GRAMD2B: variants seen among roughly 807,000 people sequenced by gnomAD.
The protein encoded by GRAMD2B is GRAM domain containing 2B.
Under a neutral mutation model 59.2 loss-of-function variants are expected in GRAMD2B, and 41 were observed. That is an observed-to-expected ratio of 0.69 (90% CI 0.54 to 0.90). The LOEUF (loss-of-function observed/expected upper bound fraction) is 0.90, where lower values mean the gene tolerates loss of function less well. Ranked by LOEUF, GRAMD2B falls within the 40% of genes least tolerant of loss-of-function variation. The probability of loss-of-function intolerance (pLI) is 0.00; values close to 1 mark genes in which losing one functional copy is unlikely to be tolerated. For missense variants in GRAMD2B, 424 were observed against 500.5 expected (o/e 0.85, Z 1.46); for synonymous variants, 161 against 182.7 (o/e 0.88, Z 0.96).
chr5:126,374,407 A>G (rs1197548643), intron 1 of GRAMD2B, among the ~76,000 whole-genome samples: 1 of 152,184 alleles, frequency 6.6e-6, no homozygotes, highest in Non-Finnish European at 1.5e-5. Flanking sequence ...TTTGGAGGAA[A>G]GAGGTCACTA....
At chr5:126,385,749 G>A (rs974264336) in intron 1 of GRAMD2B, among the ~76,000 whole-genome samples, 1 of 152,206 alleles carries the variant, frequency 6.6e-6, no homozygotes. Flanking sequence ...AGGATTCTGA[G>A]TGTCTTGAAT....
At chr5:126,402,253 T>C (rs1410542993) in intron 1 of GRAMD2B, among the ~76,000 whole-genome samples, 1 of 152,018 alleles carries the variant, frequency 6.6e-6, no homozygotes, top group African/African-American at 2.4e-5. Flanking sequence ...CCACCCTAAG[T>C]GGAAAAAGGA....
At chr5:126,362,084 C>T (rs767202364) in intron 1 of GRAMD2B, among the ~76,000 whole-genome samples, 1 of 152,150 alleles carries the variant, frequency 6.6e-6, no homozygotes, top group Non-Finnish European at 1.5e-5. Context: ...TTTTTTATTA[C>T]TAGTGGAGAA....
chr5:126,438,954 G>A (rs2149823226), intron 1 of GRAMD2B, among the ~76,000 whole-genome samples: 1 of 152,314 alleles, frequency 6.6e-6, no homozygotes, highest in South Asian at 2.1e-4. Context: ...GGAAGGATAG[G>A]AGATTACAGG....
Position 126,473,317 on chromosome 5 carries a change from A to C in GRAMD2B, c.435A>C (p.Val145=). ...TACTATACCAAGGAAAGCTCTTTGT[A>C]TCAGAAAACTGGATTTGTTTTCATT... ...KEILYQGKLF[V]SENWICFHSK... is the part of the protein sequence containing the mutation. The change falls in exon 5 of 14, where the codon GTA becomes GTC. Residue 145 remains valine, a synonymous_variant. Coordinates refer to ENST00000285689, the MANE Select transcript of GRAMD2B (RefSeq NM_023927.4). 6.5e-7 allele frequency: 1 copy of C among 1,547,512 alleles called. No homozygotes were observed. Among genetic ancestry groups the C allele is most frequent in the South Asian group, 1.3e-5 (1 of 79,956 alleles).
chr5:126,396,353 GGT>G (rs1757361999), intron 1 of GRAMD2B, among the ~76,000 whole-genome samples: 2 of 151,836 alleles, frequency 1.3e-5, no homozygotes, highest in Non-Finnish European at 1.5e-5. Context: ...AATAAGCCCC[GGT>G]GTGTGTGTTT....
rs967169690 is a variant in GRAMD2B at position 126,492,986 on chromosome 5, C to T, written c.*30C>T. 1.3e-6 allele frequency: 2 copies of T among 1,589,930 alleles called. No homozygotes were observed. Among genetic ancestry groups the T allele is most frequent in the Admixed American group, 1.7e-5 (1 of 59,780 alleles). ...CCAGATTGCTTGGGCCATCGGAATACCTCATGTTTCCCTTTGAAGAAGGTG... is the reference window on the plus strand; with the variant it reads ...CCAGATTGCTTGGGCCATCGGAATATCTCATGTTTCCCTTTGAAGAAGGTG... On this transcript the variant is annotated 3_prime_UTR_variant, in exon 14 of 14. Coordinates refer to ENST00000285689, the MANE Select transcript of GRAMD2B (RefSeq NM_023927.4).
At chr5:126,472,161 T>C in intron 3 of GRAMD2B, 77 bp from the exon 4 acceptor site, 1 of 1,136,308 alleles carries the variant, frequency 8.8e-7, no homozygotes, top group Non-Finnish European at 1.3e-6. Context: ...GGAGGGAAAA[T>C]TTGTTGTTGA....
chr5:126,464,817 A>C (rs141841299), intron 1 of GRAMD2B, among the ~76,000 whole-genome samples: 1 of 152,162 alleles, frequency 6.6e-6, no homozygotes. Context: ...AGACAGACAT[A>C]CTAAGTTTGA....
chr5:126,419,282 A>C (rs1386701730), upstream of GRAMD2B, among the ~76,000 whole-genome samples: 1 of 152,120 alleles, frequency 6.6e-6, no homozygotes, highest in African/African-American at 2.4e-5. Flanking sequence ...AAGGGGAAGC[A>C]AGCACCATCT....
intron 6 of GRAMD2B, among the ~76,000 whole-genome samples, chr5:126,479,078 G>T (rs1178782283): frequency 6.6e-6 from 1 of 152,168 alleles, no homozygotes; most frequent in Non-Finnish European, 1.5e-5. Context: ...TTTCAGCTTG[G>T]CAAGAAAGAG....
rs185681408 is a variant in GRAMD2B, at chr5:126,415,938, A to G, written c.125+44371A>G. Reference sequence around the variant, plus strand: ...CCATGATTCAATATTAACTACTTCAAAATGATCTGTCAGTTGCAATGCATG... The same window carrying G: ...CCATGATTCAATATTAACTACTTCAGAATGATCTGTCAGTTGCAATGCATG... On this transcript the variant is annotated intron_variant, in intron 1 of 8. Coordinates refer to the GRAMD2B transcript ENST00000506445. Among the ~76,000 whole-genome samples, 40 of 152,368 alleles carry G rather than the reference A, an allele frequency of 2.6e-4. 1 individual carries two copies. The highest frequency in any genetic ancestry group is 4.6e-4 in the Non-Finnish European group (31 of 68,036).
At chr5:126,453,497 T>C (rs948433691) in intron 1 of GRAMD2B, among the ~76,000 whole-genome samples, 2 of 152,226 alleles carry the variant, frequency 1.3e-5, no homozygotes, top group Non-Finnish European at 2.9e-5. Flanking sequence ...ATAGCATTCA[T>C]GCACTGAGGC....
chr5:126,480,412 C>A, intron 6 of GRAMD2B, 44 bp from the exon 7 acceptor site: 1 of 1,420,180 alleles, frequency 7.0e-7, no homozygotes, highest in Non-Finnish European at 9.9e-7. Context: ...TCTCACTTCT[C>A]ATCCGGCAAT....
chr5:126,375,660 G>A (rs1755123756), intron 1 of GRAMD2B, among the ~76,000 whole-genome samples: 1 of 152,058 alleles, frequency 6.6e-6, no homozygotes, highest in Non-Finnish European at 1.5e-5. Context: ...ATGAGCCACC[G>A]CGCCCGGCCA....
chr5:126,494,050 A>G lies in GRAMD2B; in HGVS notation c.*1094A>G, dbSNP rs906689302. 2.6e-5 allele frequency: 4 copies of G among 152,680 alleles called. No individual in the cohort carries two copies. The highest frequency in any genetic ancestry group is 9.6e-5 in the African/African-American group (4 of 41,464). 9.5% of individuals were successfully genotyped at this position (152,680 alleles called of 1,614,324 possible). The stretch of plus-strand genomic sequence containing the variant: ...TGAAATGTATTTTATTTAATCAGAT[A>G]AGCTAATAAGCGAATTGGTTACATC... On this transcript the variant is annotated 3_prime_UTR_variant, in exon 14 of 14. Coordinates refer to ENST00000285689, the MANE Select transcript of GRAMD2B (RefSeq NM_023927.4).
At chr5:126,367,432 T>TGGA (rs70994862), upstream of GRAMD2B, among the ~76,000 whole-genome samples, 34,536 of 140,026 alleles carry the variant, frequency 0.25, 4,655 homozygotes, top group Admixed American at 0.32. Flanking sequence ...CTGTAAAAAC[T>TGGA]GGAGGAGGAG....
intron 1 of GRAMD2B, among the ~76,000 whole-genome samples, chr5:126,414,483 A>G (rs1759090860): frequency 6.6e-6 from 1 of 152,138 alleles, no homozygotes; most frequent in Non-Finnish European, 1.5e-5. Flanking sequence ...TTGTTGAGGC[A>G]GGGTCTCACT....
chr5:126,377,424 C>G (rs573416078), intron 1 of GRAMD2B, among the ~76,000 whole-genome samples: 1 of 152,240 alleles, frequency 6.6e-6, no homozygotes, highest in Admixed American at 6.5e-5. Flanking sequence ...CCTGGGAGGG[C>G]CACTGGTAAG....
Sources: allele counts gnomAD v4.1 joint callset (sites outside exome capture counted in the v4.1 genomes callset), GRCh38; gene constraint gnomAD v4.1.1; transcripts MANE v1.5; gene names NCBI Gene and HGNC (gene_info 2026-07-23, HGNC 2026-07-21).